Variants in LRRTM4 observed in about 807,000 individuals in gnomAD.
LRRTM4 encodes leucine rich repeat transmembrane neuronal 4.
A neutral mutation model predicts 47.6 loss-of-function variants in LRRTM4; 25 were observed. The ratio of observed to expected loss-of-function variants is 0.53; its 90% CI spans 0.38 to 0.73. LRRTM4 has a LOEUF of 0.73. Ranked by LOEUF, LRRTM4 falls within the 30% of genes least tolerant of loss-of-function variation. The pLI, the probability that LRRTM4 is intolerant of heterozygous loss-of-function variation, is 0.00. For synonymous variants in LRRTM4, 311 were observed against 269.5 expected (o/e 1.15, Z -1.51); for missense variants, 638 against 713.4 (o/e 0.89, Z 1.20).
chr2:76,951,833 C>T (rs749819724), intron 3 of LRRTM4, among the ~76,000 whole-genome samples: 1 of 151,800 alleles, frequency 6.6e-6, no homozygotes, highest in Non-Finnish European at 1.5e-5. Flanking sequence ...TCCCTGTGTC[C>T]ATGTGTTGTC....
At chr2:76,951,248 T>G (rs1032618434) in intron 3 of LRRTM4, among the ~76,000 whole-genome samples, 7 of 152,062 alleles carry the variant, frequency 4.6e-5, no homozygotes, top group Non-Finnish European at 1.5e-5. Context: ...TGATTTAACT[T>G]GTCAACATGT....
intron 3 of LRRTM4, among the ~76,000 whole-genome samples, chr2:76,837,358 GT>G (rs896605861): frequency 1.3e-5 from 2 of 151,778 alleles, no homozygotes; most frequent in South Asian, 2.1e-4. Flanking sequence ...TTTTTGAAGG[GT>G]TTTTTTTGTC....
intron 3 of LRRTM4, among the ~76,000 whole-genome samples, chr2:77,062,787 T>C (rs926644039): frequency 1.3e-5 from 2 of 152,168 alleles, no homozygotes; most frequent in East Asian, 1.9e-4. Flanking sequence ...TTAATCACTT[T>C]TAAGTGTTCT....
intron 3 of LRRTM4, among the ~76,000 whole-genome samples, chr2:77,420,174 G>A (rs937401935): frequency 6.6e-6 from 1 of 152,194 alleles, no homozygotes; most frequent in African/African-American, 2.4e-5. Context: ...CTCTCCAGCT[G>A]TTGCTGGGAG....
Position 77,389,701 on chromosome 2 carries a change from C to A in LRRTM4, c.1551+128617G>T, listed in dbSNP as rs530119102. Among the ~76,000 whole-genome samples the A allele has an allele frequency of 5.9e-5, 9 of 152,104 alleles. No homozygotes were observed. The South Asian group carries it at 1.9e-3, about 32-fold the overall frequency. On this transcript the variant is annotated intron_variant, in intron 3 of 3. Transcript: ENST00000409884. ...GCTTAAAATGTCTATTTCAAGAAAGCACCGCCAAATGAGCTAAGAGATGCC... is the reference window on the plus strand; with the variant it reads ...GCTTAAAATGTCTATTTCAAGAAAGAACCGCCAAATGAGCTAAGAGATGCC...
chr2:77,261,880 G>A (rs1048961721), intron 3 of LRRTM4, among the ~76,000 whole-genome samples: 11 of 152,028 alleles, frequency 7.2e-5, no homozygotes, highest in African/African-American at 2.2e-4. Flanking sequence ...CCTGGATTAC[G>A]GACTGGTACA....
intron 3 of LRRTM4, among the ~76,000 whole-genome samples, chr2:76,788,222 A>G (rs1674782925): frequency 5.9e-5 from 9 of 152,178 alleles, no homozygotes; most frequent in Admixed American, 5.9e-4. Flanking sequence ...TACAAGGTCT[A>G]ATAGAAACAT....
At chr2:77,073,088 C>T (rs1443287083) in intron 3 of LRRTM4, among the ~76,000 whole-genome samples, 1 of 152,016 alleles carries the variant, frequency 6.6e-6, no homozygotes, top group African/African-American at 2.4e-5. Context: ...TCAGAATCTG[C>T]ATTTGAACAA....
chr2:77,320,268 G>A (rs1228238701), intron 3 of LRRTM4, among the ~76,000 whole-genome samples: 1 of 152,132 alleles, frequency 6.6e-6, no homozygotes, highest in Non-Finnish European at 1.5e-5. Flanking sequence ...AAAGGAAAAA[G>A]AAATAATAAT....
intron 3 of LRRTM4, among the ~76,000 whole-genome samples, chr2:77,054,368 T>C (rs1200384190): frequency 1.3e-5 from 2 of 152,174 alleles, no homozygotes; most frequent in African/African-American, 2.4e-5. Context: ...ACTTTAAAAC[T>C]GTTTTCCAGC....
chr2:76,848,633 T>C (rs967621475), intron 3 of LRRTM4, among the ~76,000 whole-genome samples: 1 of 152,120 alleles, frequency 6.6e-6, no homozygotes, highest in African/African-American at 2.4e-5. Flanking sequence ...TTATTGCTAT[T>C]ATCATTTTAT....
At chr2:77,302,445 C>T (rs1198976006) in intron 3 of LRRTM4, among the ~76,000 whole-genome samples, 2 of 151,992 alleles carry the variant, frequency 1.3e-5, no homozygotes, top group Non-Finnish European at 2.9e-5. Flanking sequence ...CTCTAAAGCA[C>T]GAATACTGGG....
At chr2:77,246,386 G>T (rs537023233) in intron 3 of LRRTM4, among the ~76,000 whole-genome samples, 1 of 152,116 alleles carries the variant, frequency 6.6e-6, no homozygotes, top group African/African-American at 2.4e-5. Context: ...ACACTACAAA[G>T]GTAAATAATT....
intron 3 of LRRTM4, among the ~76,000 whole-genome samples, chr2:77,232,725 G>C (rs1674999672): frequency 6.6e-6 from 1 of 152,166 alleles, no homozygotes; most frequent in African/African-American, 2.4e-5. Flanking sequence ...GTTGCAAACA[G>C]TCAATACTTA....
intron 3 of LRRTM4, chr2:77,516,993 T>C (rs2104119071): frequency 1.0e-6 from 1 of 984,938 alleles, no homozygotes; most frequent in South Asian, 4.7e-5. Context: ...TCATTAAAAC[T>C]GTCTTTTGAA....
rs796997447 is a variant in LRRTM4 at position 77,376,411 on chromosome 2, A to AT, written c.1551+141906dup. Among the ~76,000 whole-genome samples the AT allele has an allele frequency of 7.3e-3, 1,043 of 143,710 alleles. 12 individuals are homozygous for AT. Among genetic ancestry groups the AT allele is most frequent in the African/African-American group, 0.021 (826 of 39,524 alleles). 94.3% of individuals were successfully genotyped at this position (143,710 alleles called of 152,430 possible). The stretch of plus-strand genomic sequence containing the variant: ...CCACAGTTTGTGCTGATTTCACAAG[A>AT]TTTTTTTTTTTTTGCTAATGTCCTT... On this transcript the variant is annotated intron_variant, in intron 3 of 3. Coordinates refer to ENST00000409884, the MANE Select transcript of LRRTM4 (RefSeq NM_001134745.3).
At chr2:77,057,516 G>C (rs533387205) in intron 3 of LRRTM4, among the ~76,000 whole-genome samples, 13 of 152,296 alleles carry the variant, frequency 8.5e-5, no homozygotes, top group African/African-American at 3.1e-4. Context: ...TAGTGCAGCA[G>C]TGGTGAATTT....
chr2:77,514,157 A>G lies in LRRTM4; in HGVS notation c.1551+4161T>C, dbSNP rs536332735. On this transcript the variant is annotated intron_variant, in intron 3 of 3. Coordinates refer to ENST00000409884, the MANE Select transcript of LRRTM4 (RefSeq NM_001134745.3). ...TAAATATACAAATACAGTTTCAATC[A>G]TAACATTGTACCATGACACAGTTGT... 3.4e-3 allele frequency among the ~76,000 whole-genome samples: 524 copies of G among 152,146 alleles called. 4 individuals are homozygous for G. The highest frequency in any genetic ancestry group is 0.02 in the Middle Eastern group (6 of 294).
intron 3 of LRRTM4, among the ~76,000 whole-genome samples, chr2:76,991,053 T>TA (rs1386484535): frequency 1.3e-5 from 2 of 151,592 alleles, no homozygotes; most frequent in Non-Finnish European, 3.0e-5. Flanking sequence ...GACTTTTGGG[T>TA]AAAAAAGAAA....
Sources: gnomAD v4.1 joint callset for allele counts (sites outside exome capture counted in the v4.1 genomes callset) on GRCh38, gnomAD v4.1.1 for gene constraint, MANE v1.5 for transcripts, NCBI Gene and HGNC (gene_info 2026-07-23, HGNC 2026-07-21) for gene names.